The following AHCYL2 variants were observed in gnomAD, a reference collection of about 807,000 sequenced individuals.
The protein encoded by AHCYL2 is adenosylhomocysteinase like 2, also known as S-adenosylhomocysteine hydrolase-like protein 2.
AHCYL2 carries 28 observed loss-of-function variants against 81.4 expected under a neutral mutation model. The ratio of observed to expected loss-of-function variants is 0.34; its 90% confidence interval spans 0.25 to 0.47. AHCYL2 has a LOEUF of 0.47. Ranked by LOEUF, AHCYL2 falls within the 20% of genes least tolerant of loss-of-function variation. The pLI is 1.00. For synonymous variants in AHCYL2, 272 were observed against 290.2 expected, an observed-to-expected ratio of 0.94 and a Z score of 0.64; for missense variants, 551 against 785.1, an observed-to-expected ratio of 0.70 and a Z score of 3.56.
At chr7:129,311,173 G>A (rs979395248) in intron 1 of AHCYL2, among the ~76,000 whole-genome samples, 1 of 152,168 alleles carries the variant, frequency 6.6e-6, no homozygotes, top group East Asian at 1.9e-4. Flanking sequence ...GTTTGGAGAG[G>A]AAGAAAGCAA....
At chr7:129,252,052 A>G (rs1795265838) in intron 1 of AHCYL2, among the ~76,000 whole-genome samples, 1 of 152,194 alleles carries the variant, frequency 6.6e-6, no homozygotes, top group African/African-American at 2.4e-5. Context: ...TAAGTTCATA[A>G]TAAATGTTTC....
chr7:129,294,706 A>G (rs932238918), intron 1 of AHCYL2, among the ~76,000 whole-genome samples: 2 of 152,198 alleles, frequency 1.3e-5, no homozygotes, highest in African/African-American at 4.8e-5. Flanking sequence ...TTTTAATAAG[A>G]TGGGGCAGGT....
rs868199746 is a variant in AHCYL2 at position 129,401,349 on chromosome 7, A to C, written c.918+965A>C. On this transcript the variant is annotated intron_variant, in intron 6 of 16. Coordinates refer to ENST00000325006, the MANE Select transcript of AHCYL2 (RefSeq NM_015328.4). ...TGCCCCCATCCCAGTGCCCCCCCCC[A>C]AAAAAGCTACACAAAGTATAAGGTG... 2.9e-3 allele frequency among the ~76,000 whole-genome samples: 274 copies of C among 96,032 alleles called. 2 individuals carry two copies. The highest frequency in any genetic ancestry group is 4.1e-3 in the Non-Finnish European group (169 of 41,408). The allele number at this position is 96,032 out of a possible 152,430, so 63.0% of individuals were successfully genotyped here. A position where few individuals can be genotyped will look rare whatever the true frequency, so the allele number is the denominator to read the frequency against.
intron 12 of AHCYL2, among the ~76,000 whole-genome samples, chr7:129,418,844 A>G (rs1400509199): frequency 2.0e-5 from 3 of 152,200 alleles, no homozygotes; most frequent in Admixed American, 1.3e-4. Context: ...TGACTGTAGA[A>G]AGTGGTGGCT....
intron 1 of AHCYL2, among the ~76,000 whole-genome samples, chr7:129,296,076 C>A (rs985307928): frequency 2.0e-5 from 3 of 152,174 alleles, no homozygotes; most frequent in Non-Finnish European, 2.9e-5. Context: ...ATCCCCATTC[C>A]AGTATGTGTT....
chr7:129,244,534 G>T (rs1280963164), intron 1 of AHCYL2, among the ~76,000 whole-genome samples: 1 of 152,148 alleles, frequency 6.6e-6, no homozygotes, highest in Non-Finnish European at 1.5e-5. Context: ...GTCTGGTGTG[G>T]CCTAGCTAAC....
chr7:129,256,549 A>ACCCCCCCC (rs58653086), intron 1 of AHCYL2, among the ~76,000 whole-genome samples: 1 of 63,744 alleles, frequency 1.6e-5, no homozygotes, highest in African/African-American at 6.9e-5. Flanking sequence ...CCCACCCCCC[A>ACCCCCCCC]CCCCCCCCCC....
chr7:129,420,381 T>C (rs184648098), intron 12 of AHCYL2, among the ~76,000 whole-genome samples: 11 of 152,344 alleles, frequency 7.2e-5, no homozygotes, highest in African/African-American at 2.4e-4. Flanking sequence ...TCTTGACTCT[T>C]TGTGGTTATT....
At chr7:129,225,801 C>T (rs1305493509) in intron 1 of AHCYL2, among the ~76,000 whole-genome samples, 1 of 152,174 alleles carries the variant, frequency 6.6e-6, no homozygotes, top group African/African-American at 2.4e-5. Context: ...TATAGAAAAA[C>T]CTTACCGCTC....
chr7:129,397,929 G>A (rs1012273089), intron 5 of AHCYL2, among the ~76,000 whole-genome samples: 1 of 152,138 alleles, frequency 6.6e-6, no homozygotes, highest in Admixed American at 6.5e-5. Flanking sequence ...CTGTATATAT[G>A]ATAGAAAAAT....
chr7:129,225,388 C>G lies in AHCYL2; in HGVS notation c.312C>G (p.Ala104=), dbSNP rs1794173639. ...QHQRHRDGGE[A]LVSPDGTVTE... Reference sequence around the variant, plus strand: ...AGCGGCACCGCGACGGCGGCGAGGCCCTGGTCAGCCCCGACGGCACCGTCA... The same window carrying G: ...AGCGGCACCGCGACGGCGGCGAGGCGCTGGTCAGCCCCGACGGCACCGTCA... The change falls in exon 1 of 17, where the codon GCC becomes GCG. Residue 104 remains alanine, a synonymous_variant. Transcript: ENST00000325006. 4 of 1,517,222 alleles carry G rather than the reference C, an allele frequency of 2.6e-6. No homozygotes were observed. In the African/African-American group the frequency reaches 5.7e-5, roughly 22 times the overall value. The allele number at this position is 1,517,222 out of a possible 1,614,324, so 94.0% of individuals were successfully genotyped here. A position where few individuals can be genotyped will look rare whatever the true frequency, so the allele number is the denominator to read the frequency against.
At chr7:129,381,886 A>G (rs1239442330) in intron 2 of AHCYL2, among the ~76,000 whole-genome samples, 2 of 152,330 alleles carry the variant, frequency 1.3e-5, no homozygotes, top group Admixed American at 6.5e-5. Context: ...TGCTTTTAAA[A>G]TGAAACCCAA....
chr7:129,304,239 C>T (rs1404708695), intron 1 of AHCYL2, among the ~76,000 whole-genome samples: 1 of 152,068 alleles, frequency 6.6e-6, no homozygotes, highest in Non-Finnish European at 1.5e-5. Context: ...CCATTGTGGT[C>T]AGAAAATGCT....
chr7:129,262,496 C>G (rs144485840), intron 1 of AHCYL2, among the ~76,000 whole-genome samples: 2 of 152,334 alleles, frequency 1.3e-5, no homozygotes, highest in Non-Finnish European at 2.9e-5. Context: ...TGCGCATCCT[C>G]TGTAGACTGG....
chr7:129,279,398 C>T (rs532676849), intron 1 of AHCYL2, among the ~76,000 whole-genome samples: 1 of 152,240 alleles, frequency 6.6e-6, no homozygotes, highest in East Asian at 1.9e-4. Flanking sequence ...ATCCCCCCAC[C>T]CCGGCTTCCT....
intron 1 of AHCYL2, among the ~76,000 whole-genome samples, chr7:129,274,348 G>T (rs1349879621): frequency 6.6e-6 from 1 of 152,172 alleles, no homozygotes; most frequent in Non-Finnish European, 1.5e-5. Flanking sequence ...ACCACATCTG[G>T]ACCTGATTTA....
At chr7:129,393,250 C>G (rs1174094789) in intron 4 of AHCYL2, among the ~76,000 whole-genome samples, 6 of 152,146 alleles carry the variant, frequency 3.9e-5, no homozygotes, top group Non-Finnish European at 1.5e-5. Context: ...AACCCCATCT[C>G]TACAAAAAAA....
chr7:129,376,119 C>T (rs1188757032), intron 1 of AHCYL2, among the ~76,000 whole-genome samples: 1 of 152,126 alleles, frequency 6.6e-6, no homozygotes, highest in Non-Finnish European at 1.5e-5. Context: ...AGTTCTCTCT[C>T]AAATGGAAAA....
chr7:129,320,800 C>T (rs931162636), intron 1 of AHCYL2, among the ~76,000 whole-genome samples: 1 of 152,144 alleles, frequency 6.6e-6, no homozygotes, highest in African/African-American at 2.4e-5. Flanking sequence ...TCCCCCCAGC[C>T]CCTGGCAACC....
Sources: allele counts gnomAD v4.1 joint callset (sites outside exome capture counted in the v4.1 genomes callset), GRCh38; gene constraint gnomAD v4.1.1; transcripts MANE v1.5; gene names NCBI Gene and HGNC (gene_info 2026-07-23, HGNC 2026-07-21).